ATL1: variants seen among roughly 807,000 people sequenced by gnomAD.
ATL1 encodes the protein atlastin-1.
In ATL1, 31 loss-of-function variants were observed where a neutral mutation model predicts 75.5. That is an observed-to-expected ratio of 0.41 (90% CI 0.31 to 0.55). ATL1 has a LOEUF of 0.55. Among genes scored for constraint, ATL1 ranks in the 20% least tolerant of loss-of-function variants. The probability of loss-of-function intolerance (pLI) is 0.27; values close to 1 mark genes in which losing one functional copy is unlikely to be tolerated. For synonymous variants in ATL1, 226 were observed against 233.3 expected (o/e 0.97, Z 0.28); for missense variants, 405 against 662.6 (o/e 0.61, Z 4.27).
intron 1 of ATL1, among the ~76,000 whole-genome samples, chr14:50,583,185 T>G (rs1387465449): frequency 2.0e-5 from 3 of 152,202 alleles, no homozygotes; most frequent in Non-Finnish European, 4.4e-5. Context: ...TCAAAAGTTA[T>G]GCCCATTATC....
At position 50,601,028 on chromosome 14, in the gene ATL1, A is replaced by G. The variant is rs1220431796; in HGVS notation, c.630+5396A>G. Among the ~76,000 whole-genome samples, 4 of 152,300 alleles carry G rather than the reference A, an allele frequency of 2.6e-5. No individual in the cohort carries two copies. In the South Asian group the frequency reaches 8.3e-4, roughly 32 times the overall value. ...GGGGCTGAAGTGGGAGGATCACTTG[A>G]GCCCTGGCGTTTGAGGCTGCAGTGA... On this transcript the variant is annotated intron_variant, in intron 6 of 13. Transcript: ENST00000358385.
chr14:50,553,539 A>G (rs1254151063), intron 1 of ATL1, among the ~76,000 whole-genome samples: 2 of 152,182 alleles, frequency 1.3e-5, no homozygotes, highest in South Asian at 2.1e-4. Flanking sequence ...GGAAAACAGT[A>G]TGGATACCCC....
intron 11 of ATL1, among the ~76,000 whole-genome samples, chr14:50,625,162 TAGTTTGGATAG>T (rs2039505522): frequency 6.6e-6 from 1 of 152,218 alleles, no homozygotes; most frequent in Non-Finnish European, 1.5e-5. Flanking sequence ...GAGAAAGCTT[TAGTTTGGATAG>T]AAAATCAAAA....
At chr14:50,552,516 C>G (rs956174347) in intron 1 of ATL1, among the ~76,000 whole-genome samples, 1 of 152,042 alleles carries the variant, frequency 6.6e-6, no homozygotes, top group African/African-American at 2.4e-5. Flanking sequence ...GAAAAATATC[C>G]TAAAATTTGT....
At chr14:50,617,398 C>T (rs905638664) in intron 8 of ATL1, among the ~76,000 whole-genome samples, 26 of 151,982 alleles carry the variant, frequency 1.7e-4, no homozygotes, top group African/African-American at 5.6e-4. Context: ...GGTTGCTCTG[C>T]GTTATAGTAC....
intron 1 of ATL1, among the ~76,000 whole-genome samples, chr14:50,582,050 G>A (rs988253631): frequency 6.6e-6 from 1 of 152,146 alleles, no homozygotes; most frequent in African/African-American, 2.4e-5. Flanking sequence ...GGAGGCCGAG[G>A]CGGGCGGATC....
intron 1 of ATL1, among the ~76,000 whole-genome samples, chr14:50,581,373 G>C (rs2039053386): frequency 6.6e-6 from 1 of 151,740 alleles, no homozygotes. Flanking sequence ...TATATGAAAA[G>C]GGTCAAAATA....
At chr14:50,558,561 G>A (rs2038793430), upstream of ATL1, among the ~76,000 whole-genome samples, 1 of 152,134 alleles carries the variant, frequency 6.6e-6, no homozygotes, top group African/African-American at 2.4e-5. Context: ...TTCACCTGCA[G>A]ATTACTTACT....
chr14:50,591,404 C>A, intron 3 of ATL1, 131 bp from the exon 4 acceptor site: 1 of 662,558 alleles, frequency 1.5e-6, no homozygotes, highest in Non-Finnish European at 2.6e-6. Context: ...GCATTCATGG[C>A]ATGTGTAAGA....
chr14:50,620,570 A>G, intron 8 of ATL1, 29 bp from the exon 9 acceptor site: 1 of 1,605,210 alleles, frequency 6.2e-7, no homozygotes, highest in Non-Finnish European at 8.5e-7. Context: ...GGATTCCAAA[A>G]ATAATAATGG....
chr14:50,547,552 A>C (rs1414587959), intron 1 of ATL1, among the ~76,000 whole-genome samples: 2 of 152,218 alleles, frequency 1.3e-5, no homozygotes, highest in Admixed American at 1.3e-4. Flanking sequence ...ACTGCCTACC[A>C]GGGGAAGATT....
At chr14:50,581,868 TG>T (rs1421462350) in intron 1 of ATL1, among the ~76,000 whole-genome samples, 1 of 152,214 alleles carries the variant, frequency 6.6e-6, no homozygotes, top group African/African-American at 2.4e-5. Context: ...TACTGATTTT[TG>T]TCTGAATTTT....
chr14:50,632,967 A>G lies in ATL1; in HGVS notation c.*628A>G, dbSNP rs2140243729. ...TGTATATTTTTTCATTTGGTACACA[A>G]AGAATGTATTCTTCATAGGTTTATT... On this transcript the variant is annotated 3_prime_UTR_variant, in exon 14 of 14. Coordinates refer to ENST00000358385, the MANE Select transcript of ATL1 (RefSeq NM_015915.5). 6.6e-6 allele frequency: 1 copy of G among 152,426 alleles called. No homozygotes were observed. Among genetic ancestry groups the G allele is most frequent in the Non-Finnish European group, 1.5e-5 (1 of 68,110 alleles). The allele number at this position is 152,426 out of a possible 1,614,324, so 9.4% of individuals were successfully genotyped here.
rs1397911947 is a variant in ATL1 at position 50,540,610 on chromosome 14, T to C, written c.-140+7243T>C. On this transcript the variant is annotated intron_variant, in intron 1 of 13. Coordinates refer to the ATL1 transcript ENST00000441560. Reference sequence around the variant, plus strand: ...AATTGATATTAGCTCTAAATAATAATCTCTGCAGTCTCAAAATACCGCCAA... The same window carrying C: ...AATTGATATTAGCTCTAAATAATAACCTCTGCAGTCTCAAAATACCGCCAA... Among the ~76,000 whole-genome samples the C allele has an allele frequency of 2.0e-5, 3 of 152,136 alleles. No homozygotes were observed. The South Asian group carries it at 6.2e-4, about 32-fold the overall frequency.
intron 11 of ATL1, among the ~76,000 whole-genome samples, chr14:50,625,263 G>T (rs2039506421): frequency 6.6e-6 from 1 of 152,188 alleles, no homozygotes; most frequent in Non-Finnish European, 1.5e-5. Flanking sequence ...TGCTGAAAGA[G>T]TTGGTAAAGA....
chr14:50,555,802 A>T (rs957460593), upstream of ATL1, among the ~76,000 whole-genome samples: 6 of 152,206 alleles, frequency 3.9e-5, no homozygotes, highest in Non-Finnish European at 8.8e-5. Flanking sequence ...ATGAAAGTAA[A>T]TGTCATTTTT....
intron 1 of ATL1, chr14:50,542,431 G>C (rs1443784728): frequency 2.6e-5 from 4 of 152,038 alleles, no homozygotes; most frequent in Non-Finnish European, 4.4e-5. Flanking sequence ...TGCACATTCT[G>C]TACAGGTATC....
At chr14:50,622,726 TC>T (rs1272793034) in intron 10 of ATL1, among the ~76,000 whole-genome samples, 2 of 152,046 alleles carry the variant, frequency 1.3e-5, no homozygotes, top group African/African-American at 4.8e-5. Flanking sequence ...AGAAACTAGT[TC>T]CCTTATATAT....
At chr14:50,629,965 TTTTTTC>T in intron 12 of ATL1, 24 bp from the exon 13 acceptor site, 1 of 1,560,410 alleles carries the variant, frequency 6.4e-7, no homozygotes, top group Non-Finnish European at 8.7e-7. Flanking sequence ...TATACTTTTC[TTTTTTC>T]TTTTTAATCT....
Sources: gnomAD v4.1 joint callset for allele counts (sites outside exome capture counted in the v4.1 genomes callset) on GRCh38, gnomAD v4.1.1 for gene constraint, MANE v1.5 for transcripts, NCBI Gene and HGNC (gene_info 2026-07-23, HGNC 2026-07-21) for gene names.